MYCBP2: variants seen among roughly 807,000 people sequenced by gnomAD.
MYCBP2 encodes the protein MYC binding protein 2.
Under a neutral mutation model 525.3 loss-of-function variants are expected in MYCBP2, and 120 were observed. The ratio of observed to expected loss-of-function variants is 0.23; its 90% CI spans 0.20 to 0.27. The LOEUF is 0.27. MYCBP2 is among the 10% of genes least tolerant of loss of function. The pLI is 1.00. For synonymous variants in MYCBP2, 1,894 were observed against 1,955.8 expected (o/e 0.97, Z 0.83); for missense variants, 4,149 against 5,657.1 (o/e 0.73, Z 8.55).
intron 20 of MYCBP2, among the ~76,000 whole-genome samples, chr13:77,219,022 T>C (rs2065193455): frequency 6.6e-6 from 1 of 152,144 alleles, no homozygotes; most frequent in African/African-American, 2.4e-5. Context: ...GAAGATTTTT[T>C]TTGCTTAAGC....
At chr13:77,071,258 C>T (rs943332077) in intron 68 of MYCBP2, among the ~76,000 whole-genome samples, 1 of 135,212 alleles carries the variant, frequency 7.4e-6, no homozygotes, top group Non-Finnish European at 1.6e-5. Context: ...TATGCATGCA[C>T]GTGTGTGCAC....
chr13:77,278,952 A>C (rs773459627), intron 3 of MYCBP2, 41 bp from the exon 4 acceptor site: 2 of 1,418,330 alleles, frequency 1.4e-6, no homozygotes, highest in Non-Finnish European at 1.9e-6. Flanking sequence ...ATGACATGTA[A>C]GCTAGTAACA....
chr13:77,099,402 T>C (rs2046730238), intron 55 of MYCBP2: 1 of 213,088 alleles, frequency 4.7e-6, no homozygotes, highest in Non-Finnish European at 9.5e-6. Context: ...GTATTTTAAA[T>C]GTAGAGTAGA....
intron 1 of MYCBP2, among the ~76,000 whole-genome samples, chr13:77,298,188 C>G (rs1308858834): frequency 6.6e-6 from 1 of 152,182 alleles, no homozygotes. Flanking sequence ...GTTGTCTGAA[C>G]CTGTTAAGCT....
chr13:77,176,888 C>T (rs2059757733), intron 35 of MYCBP2, among the ~76,000 whole-genome samples: 1 of 151,952 alleles, frequency 6.6e-6, no homozygotes, highest in Non-Finnish European at 1.5e-5. Context: ...TTTATAAAGC[C>T]TAATGAAGTA....
intron 52 of MYCBP2, among the ~76,000 whole-genome samples, chr13:77,138,107 T>C (rs543430232): frequency 6.6e-6 from 1 of 152,336 alleles, no homozygotes; most frequent in East Asian, 1.9e-4. Context: ...AGTATTTTAC[T>C]TATAGATGTA....
Position 77,214,782 on chromosome 13 carries a change from C to T in MYCBP2, c.3058-2622G>A, listed in dbSNP as rs923572908. Among the ~76,000 whole-genome samples the T allele has an allele frequency of 3.9e-5, 6 of 152,272 alleles. No homozygotes were observed. The South Asian group carries it at 1.2e-3, about 32-fold the overall frequency. ...GTACAGCATGCTGGTGTACTGAATACTGTAGGCAACTGTAACCCATTAGTA... is the reference window on the plus strand; with the variant it reads ...GTACAGCATGCTGGTGTACTGAATATTGTAGGCAACTGTAACCCATTAGTA... On this transcript the variant is annotated intron_variant, in intron 21 of 82. Coordinates refer to ENST00000544440, the MANE Select transcript of MYCBP2 (RefSeq NM_015057.5).
At chr13:77,294,526 G>T (rs1462784118) in intron 2 of MYCBP2, among the ~76,000 whole-genome samples, 1 of 152,080 alleles carries the variant, frequency 6.6e-6, no homozygotes, top group Admixed American at 6.5e-5. Flanking sequence ...AGGCCGAATT[G>T]AAGGGGACAA....
In MYCBP2 at chr13:77,168,419, G is replaced by T. The variant is rs769016611; in HGVS notation, c.6114+9C>A. ...TTACATTCGAATCACACTAAGAACC[G>T]GTGCCTACCTTGTAATGCATCACAC... On this transcript the variant is annotated intron_variant, in intron 40 of 82. Transcript: ENST00000544440. 1.9e-6 allele frequency: 3 copies of T among 1,611,288 alleles called. No homozygotes were observed. In the African/African-American group the frequency reaches 4.0e-5, roughly 22 times the overall value.
chr13:77,083,703 T>C (rs1016493818), intron 62 of MYCBP2, among the ~76,000 whole-genome samples: 3 of 152,208 alleles, frequency 2.0e-5, no homozygotes, highest in Non-Finnish European at 4.4e-5. Flanking sequence ...TTGAATTTCA[T>C]TTCTCATTAC....
chr13:77,300,540 G>T (rs1444042887), intron 1 of MYCBP2, among the ~76,000 whole-genome samples: 1 of 152,060 alleles, frequency 6.6e-6, no homozygotes, highest in Non-Finnish European at 1.5e-5. Context: ...GGGCCTCATT[G>T]GTCTGTGGGT....
intron 13 of MYCBP2, among the ~76,000 whole-genome samples, chr13:77,259,948 C>G (rs1428322581): frequency 6.6e-6 from 1 of 152,098 alleles, no homozygotes. Flanking sequence ...TATCAGTCAC[C>G]CAGGCACTAG....
At chr13:77,305,534 G>A (rs773009154) in intron 1 of MYCBP2, among the ~76,000 whole-genome samples, 1 of 152,080 alleles carries the variant, frequency 6.6e-6, no homozygotes, top group East Asian at 1.9e-4. Context: ...CTGATAGAAA[G>A]GAGAATAGAA....
rs142637287 is a variant in MYCBP2, at chr13:77,233,119, A to G, written c.2737+37T>C. Reference sequence around the variant, plus strand: ...ATTCAAATGAGTGGAAGAAATTGGGAAAGTATCCCACCTAGGTGATAAGGA... The same window carrying G: ...ATTCAAATGAGTGGAAGAAATTGGGGAAGTATCCCACCTAGGTGATAAGGA... On this transcript the variant is annotated intron_variant, in intron 18 of 82. Transcript: ENST00000544440. The G allele has an allele frequency of 2.9e-4, 457 of 1,558,166 alleles. 3 individuals are homozygous for G. In the East Asian group the frequency reaches 7.7e-3, roughly 26 times the overall value.
chr13:77,152,705 T>C (rs928619478), intron 46 of MYCBP2, among the ~76,000 whole-genome samples: 1 of 152,064 alleles, frequency 6.6e-6, no homozygotes, highest in Non-Finnish European at 1.5e-5. Context: ...CAGGGAAATA[T>C]CACCTTCTTC....
Position 77,095,517 on chromosome 13 carries a change from T to C in MYCBP2, c.10040A>G (p.Asn3347Ser). The C allele has an allele frequency of 6.2e-7, 1 of 1,613,578 alleles. No homozygotes were observed. Among genetic ancestry groups the C allele is most frequent in the Non-Finnish European group, 8.5e-7 (1 of 1,179,726 alleles). Residue 3347 changes from asparagine to serine, a missense_variant, in exon 58 of 83, where the codon AAT becomes AGT. Physicochemically the swap from Asn to Ser is conservative, Grantham distance 46. This residue lies in a region of MYCBP2 where 509 missense variants were observed against 789.4 expected (regional missense o/e 0.64). Transcript: ENST00000544440. ...TMEAHQVIKA[N>S]ALFLLSLSSA... ...GCTCAGGGACAGCAGGAAGAGTGCA[T>C]TGGCTTTAATCACCTGGTGAGCTTC...
At chr13:77,261,082 A>ACTTTATCTT in intron 12 of MYCBP2, 89 bp downstream of exon 12, 2 of 1,036,222 alleles carry the variant, frequency 1.9e-6, no homozygotes, top group Non-Finnish European at 2.8e-6. Context: ...GTGTTATTGA[A>ACTTTATCTT]ATTCATAAAC....
At chr13:77,231,928 A>T (rs2067190206) in intron 18 of MYCBP2, among the ~76,000 whole-genome samples, 1 of 152,212 alleles carries the variant, frequency 6.6e-6, no homozygotes, top group Admixed American at 6.5e-5. Context: ...CTTAGGTTGA[A>T]AATTCCTTAA....
At chr13:77,096,734 T>C (rs1165979404) in intron 56 of MYCBP2, among the ~76,000 whole-genome samples, 1 of 152,072 alleles carries the variant, frequency 6.6e-6, no homozygotes, top group Non-Finnish European at 1.5e-5. Flanking sequence ...AGATAGAATA[T>C]AGGTATATTT....
Sources: allele counts gnomAD v4.1 joint callset (sites outside exome capture counted in the v4.1 genomes callset), GRCh38; gene constraint gnomAD v4.1.1; regional missense constraint gnomAD v4.1.1; transcripts MANE v1.5; gene names NCBI Gene and HGNC (gene_info 2026-07-23, HGNC 2026-07-21).